The following DLG2 variants were observed in gnomAD, a reference collection of about 807,000 sequenced individuals.
DLG2 encodes the protein discs large MAGUK scaffold protein 2, also known as disks large homolog 2.
Under a neutral mutation model 132.5 loss-of-function variants are expected in DLG2, and 45 were observed. That is an observed-to-expected ratio of 0.34 (90% confidence interval 0.27 to 0.44). The LOEUF is 0.44. Among genes scored for constraint, DLG2 ranks in the 20% least tolerant of loss-of-function variants. The probability of loss-of-function intolerance (pLI) is 1.00; values close to 1 mark genes in which losing one functional copy is unlikely to be tolerated. For missense variants in DLG2, 1,045 were observed against 1,196.9 expected (o/e 0.87, Z 1.87); for synonymous variants, 424 against 419.6 (o/e 1.01, Z -0.13).
intron 8 of DLG2, among the ~76,000 whole-genome samples, chr11:84,206,061 T>C (rs2096661192): frequency 6.6e-6 from 1 of 152,100 alleles, no homozygotes; most frequent in South Asian, 2.1e-4. Context: ...ATTTCTATGC[T>C]AGTAAACTCT....
chr11:83,592,088 A>G (rs958751533), intron 19 of DLG2, among the ~76,000 whole-genome samples: 5 of 150,648 alleles, frequency 3.3e-5, no homozygotes, highest in African/African-American at 9.7e-5. Context: ...TACAGATTCA[A>G]TGCCATCCCT....
intron 7 of DLG2, among the ~76,000 whole-genome samples, chr11:84,394,484 C>G (rs2098804259): frequency 6.6e-6 from 1 of 152,094 alleles, no homozygotes; most frequent in Non-Finnish European, 1.5e-5. Flanking sequence ...TACCACTCTT[C>G]TATTAAGATG....
chr11:84,372,590 C>G (rs1285324666), intron 7 of DLG2, among the ~76,000 whole-genome samples: 1 of 152,146 alleles, frequency 6.6e-6, no homozygotes, highest in Non-Finnish European at 1.5e-5. Context: ...GGAATTGATT[C>G]TTTCCAGATG....
chr11:85,476,476 T>C (rs1361001234), intron 3 of DLG2, among the ~76,000 whole-genome samples: 1 of 152,182 alleles, frequency 6.6e-6, no homozygotes, highest in Non-Finnish European at 1.5e-5. Context: ...ACTTTTCTAC[T>C]TTACACATCT....
At chr11:84,019,841 A>C (rs1230124771) in intron 11 of DLG2, among the ~76,000 whole-genome samples, 2 of 152,160 alleles carry the variant, frequency 1.3e-5, no homozygotes, top group Admixed American at 1.3e-4. Flanking sequence ...CAGTCTTCAG[A>C]AGGAAACAAC....
intron 5 of DLG2, among the ~76,000 whole-genome samples, chr11:85,113,553 A>C (rs2073104082): frequency 6.6e-6 from 1 of 152,202 alleles, no homozygotes; most frequent in South Asian, 2.1e-4. Flanking sequence ...AAAAAAGACT[A>C]GTGATGACAC....
intron 18 of DLG2, among the ~76,000 whole-genome samples, chr11:83,783,225 C>T (rs2094908835): frequency 6.6e-6 from 1 of 152,080 alleles, no homozygotes; most frequent in Non-Finnish European, 1.5e-5. Flanking sequence ...GAACCAGACA[C>T]TGAATAAGAT....
intron 3 of DLG2, among the ~76,000 whole-genome samples, chr11:85,506,600 G>C (rs923284770): frequency 6.6e-6 from 1 of 152,176 alleles, no homozygotes; most frequent in Non-Finnish European, 1.5e-5. Context: ...TATCATTTCT[G>C]TTCTTTTACA....
intron 3 of DLG2, among the ~76,000 whole-genome samples, chr11:85,289,429 C>A (rs993632155): frequency 6.6e-6 from 1 of 152,030 alleles, no homozygotes; most frequent in Non-Finnish European, 1.5e-5. Flanking sequence ...TGTGTAAAAA[C>A]AATATTTGAA....
intron 6 of DLG2, among the ~76,000 whole-genome samples, chr11:84,924,571 G>A (rs1037738294): frequency 1.3e-5 from 2 of 152,186 alleles, no homozygotes; most frequent in African/African-American, 4.8e-5. Flanking sequence ...AGGTATTTCA[G>A]GGAGAGAAAT....
intron 6 of DLG2, among the ~76,000 whole-genome samples, chr11:84,630,885 T>A (rs2099630398): frequency 6.6e-6 from 1 of 151,912 alleles, no homozygotes; most frequent in Non-Finnish European, 1.5e-5. Context: ...TAGCAGCCAG[T>A]CAGAAGTATC....
At chr11:85,256,982 A>T (rs1361379522) in intron 4 of DLG2, among the ~76,000 whole-genome samples, 1 of 152,266 alleles carries the variant, frequency 6.6e-6, no homozygotes, top group African/African-American at 2.4e-5. Context: ...ATAGATTTTT[A>T]AAATGCATGA....
intron 7 of DLG2, among the ~76,000 whole-genome samples, chr11:84,505,092 T>C (rs763154460): frequency 1.3e-5 from 2 of 152,146 alleles, no homozygotes; most frequent in Non-Finnish European, 1.5e-5. Context: ...TTCTAAATGA[T>C]ACTTAATCTT....
chr11:83,536,922 AT>A (rs1257450506), intron 20 of DLG2, among the ~76,000 whole-genome samples: 4 of 152,088 alleles, frequency 2.6e-5, no homozygotes, highest in African/African-American at 4.8e-5. Flanking sequence ...ACTTTTTCTT[AT>A]TGTTTTACTG....
At chr11:83,967,826 T>C (rs187013037) in intron 12 of DLG2, among the ~76,000 whole-genome samples, 6 of 152,300 alleles carry the variant, frequency 3.9e-5, no homozygotes, top group Admixed American at 2.6e-4. Context: ...TCCCCTATGT[T>C]CTTTTCTAGA....
intron 19 of DLG2, among the ~76,000 whole-genome samples, chr11:83,625,194 C>G (rs975443716): frequency 2.0e-5 from 3 of 152,152 alleles, no homozygotes; most frequent in Non-Finnish European, 2.9e-5. Flanking sequence ...CTCTGGGAAA[C>G]AGCCAACATG....
chr11:84,277,874 C>G (rs936837590), intron 7 of DLG2, among the ~76,000 whole-genome samples: 1 of 152,094 alleles, frequency 6.6e-6, no homozygotes, highest in Non-Finnish European at 1.5e-5. Context: ...TACAATCCTA[C>G]AAACATGAGG....
intron 6 of DLG2, among the ~76,000 whole-genome samples, chr11:84,850,572 A>G (rs2082054374): frequency 6.6e-6 from 1 of 152,170 alleles, no homozygotes; most frequent in South Asian, 2.1e-4. Flanking sequence ...TCAAGAATAT[A>G]AAATAAAAAG....
chr11:84,894,757 C>G (rs1341826346), intron 6 of DLG2, among the ~76,000 whole-genome samples: 1 of 152,114 alleles, frequency 6.6e-6, no homozygotes, highest in African/African-American at 2.4e-5. Context: ...CTAGTGCCTA[C>G]TGGGATAGAG....
Sources: allele counts gnomAD v4.1 joint callset (sites outside exome capture counted in the v4.1 genomes callset), GRCh38; gene constraint gnomAD v4.1.1; transcripts MANE v1.5; gene names NCBI Gene and HGNC (gene_info 2026-07-23, HGNC 2026-07-21).